The following PDE7B variants were observed in gnomAD, a reference collection of about 807,000 sequenced individuals.
The protein encoded by PDE7B is 3',5'-cyclic-AMP phosphodiesterase 7B.
A neutral mutation model predicts 56.2 loss-of-function variants in PDE7B; 29 were observed. The ratio of observed to expected loss-of-function variants is 0.52; its 90% CI spans 0.38 to 0.70. PDE7B has a LOEUF of 0.70. Among genes scored for constraint, PDE7B ranks in the 30% least tolerant of loss-of-function variants. The pLI is 0.00. For missense variants in PDE7B, 490 were observed against 565.0 expected (o/e 0.87, Z 1.35); for synonymous variants, 197 against 196.9 (o/e 1.00, Z 0.00).
At chr6:136,030,294 A>T (rs1456418463) in intron 2 of PDE7B, among the ~76,000 whole-genome samples, 1 of 152,254 alleles carries the variant, frequency 6.6e-6, no homozygotes, top group African/African-American at 2.4e-5. Context: ...CCATGCTCTT[A>T]GTTACCCTGG....
intron 1 of PDE7B, among the ~76,000 whole-genome samples, chr6:135,853,203 A>G (rs977069041): frequency 1.3e-5 from 2 of 152,220 alleles, no homozygotes; most frequent in Non-Finnish European, 2.9e-5. Flanking sequence ...TATTCTCAAC[A>G]TTGAGAACCT....
chr6:135,887,883 C>T (rs560845037), intron 1 of PDE7B, among the ~76,000 whole-genome samples: 68 of 152,256 alleles, frequency 4.5e-4, no homozygotes, highest in African/African-American at 1.5e-3. Flanking sequence ...AATCTTTCAG[C>T]CCAATGTTTA....
At chr6:136,018,258 G>C (rs1413569528) in intron 2 of PDE7B, among the ~76,000 whole-genome samples, 4 of 152,098 alleles carry the variant, frequency 2.6e-5, no homozygotes, top group African/African-American at 9.7e-5. Context: ...ATCAGTCAGA[G>C]AGATACAGCC....
rs1453165024 is a variant in PDE7B, at chr6:136,155,671, G to A, written c.624G>A (p.Leu208=). The change falls in exon 8 of 13, where the codon CTG becomes CTA. Residue 208 remains leucine, a synonymous_variant. Transcript: ENST00000308191. The part of the protein sequence containing the change: ...LTPLDIMLGL[L]AAAAHDVDHP... ...CTCTGGACATCATGCTTGGACTGCT[G>A]GCTGCAGCAGCACACGATGTGGACC... 6.2e-7 allele frequency: 1 copy of A among 1,613,514 alleles called. No individual in the cohort carries two copies. The highest frequency in any genetic ancestry group is 8.5e-7 in the Non-Finnish European group (1 of 1,179,696).
At chr6:135,891,108 T>G (rs931052536) in intron 1 of PDE7B, among the ~76,000 whole-genome samples, 5 of 152,210 alleles carry the variant, frequency 3.3e-5, no homozygotes, top group African/African-American at 1.2e-4. Context: ...TGAGGCTGCA[T>G]TTACAGGCGC....
At chr6:136,100,042 A>G (rs1416279661) in intron 2 of PDE7B, among the ~76,000 whole-genome samples, 9 of 152,196 alleles carry the variant, frequency 5.9e-5, no homozygotes, top group South Asian at 2.1e-4. Context: ...TCCTTTCCCA[A>G]TTGCTTGTTT....
At chr6:135,952,854 C>A (rs1306472559) in intron 2 of PDE7B, among the ~76,000 whole-genome samples, 1 of 151,996 alleles carries the variant, frequency 6.6e-6, no homozygotes, top group Non-Finnish European at 1.5e-5. Flanking sequence ...GACAGAAGTA[C>A]CAGATAAAAG....
intron 2 of PDE7B, among the ~76,000 whole-genome samples, chr6:136,016,747 C>G (rs1239826284): frequency 6.6e-6 from 1 of 151,792 alleles, no homozygotes; most frequent in East Asian, 1.9e-4. Flanking sequence ...ACTGGAAAGG[C>G]AGAAGGACTT....
intron 1 of PDE7B, among the ~76,000 whole-genome samples, chr6:135,944,607 A>C (rs1307871008): frequency 6.6e-6 from 1 of 152,150 alleles, no homozygotes; most frequent in African/African-American, 2.4e-5. Flanking sequence ...TGTTCTTGCT[A>C]TTTGGTGATG....
At chr6:135,877,819 C>T (rs1382263763) in intron 1 of PDE7B, among the ~76,000 whole-genome samples, 2 of 151,152 alleles carry the variant, frequency 1.3e-5, no homozygotes, top group Admixed American at 1.3e-4. Flanking sequence ...AAGCCAGCAA[C>T]GTCAGTGGAT....
At chr6:135,885,432 T>A (rs1227362951) in intron 1 of PDE7B, among the ~76,000 whole-genome samples, 2 of 152,092 alleles carry the variant, frequency 1.3e-5, no homozygotes, top group African/African-American at 4.8e-5. Context: ...CAGTCCATTC[T>A]ACACTCAAAT....
intron 2 of PDE7B, chr6:136,035,067 G>A (rs1457753948): frequency 1.3e-5 from 2 of 152,168 alleles, no homozygotes; most frequent in Non-Finnish European, 1.5e-5. Flanking sequence ...ATCTTAAAAT[G>A]TCCTGTCTGC....
intron 3 of PDE7B, among the ~76,000 whole-genome samples, chr6:136,140,453 G>C (rs1778301474): frequency 6.6e-6 from 1 of 152,210 alleles, no homozygotes; most frequent in African/African-American, 2.4e-5. Context: ...TGGTAATGCA[G>C]GCTCTTTTTT....
intron 2 of PDE7B, among the ~76,000 whole-genome samples, chr6:136,086,025 C>T (rs1428942225): frequency 1.3e-5 from 2 of 152,198 alleles, no homozygotes; most frequent in African/African-American, 4.8e-5. Context: ...TTTACAATTT[C>T]TCCAGGCTGT....
chr6:136,097,015 C>T (rs1209429173), intron 2 of PDE7B, among the ~76,000 whole-genome samples: 2 of 152,146 alleles, frequency 1.3e-5, no homozygotes, highest in African/African-American at 2.4e-5. Flanking sequence ...TCTTCCATGA[C>T]ACAATTCTGG....
At chr6:136,038,143 G>GC in intron 2 of PDE7B, 1 of 1,226,166 alleles carries the variant, frequency 8.2e-7, no homozygotes, top group Non-Finnish European at 1.0e-6. Context: ...AGGATCTTAC[G>GC]GGGGTTCGCT....
chr6:136,057,911 A>G (rs1423947775), intron 2 of PDE7B, among the ~76,000 whole-genome samples: 1 of 151,912 alleles, frequency 6.6e-6, no homozygotes, highest in African/African-American at 2.4e-5. Flanking sequence ...TAATTTTTTT[A>G]TTTTTAGTAG....
rs190805511 is a variant in PDE7B at position 136,136,513 on chromosome 6, G to T, written c.167-10838G>T. On this transcript the variant is annotated intron_variant, in intron 3 of 12. Transcript: ENST00000308191. The stretch of plus-strand genomic sequence containing the variant: ...AGTCAAAACAAGCAAAGGACAAAGA[G>T]GGTGACTAGGGTCAATAATAATTGT... Among the ~76,000 whole-genome samples, 106 of 152,100 alleles carry T rather than the reference G, an allele frequency of 7.0e-4. 2 individuals are homozygous for T. In the Middle Eastern group the frequency reaches 0.031, roughly 44 times the overall value.
intron 1 of PDE7B, among the ~76,000 whole-genome samples, chr6:135,886,886 A>G (rs9321541): frequency 0.03 from 4,535 of 152,202 alleles, 144 homozygotes; most frequent in East Asian, 0.11. Context: ...GATACCCAGT[A>G]GTGGGATCGT....
Sources: gnomAD v4.1 joint callset for allele counts (sites outside exome capture counted in the v4.1 genomes callset) on GRCh38, gnomAD v4.1.1 for gene constraint, MANE v1.5 for transcripts, NCBI Gene and HGNC (gene_info 2026-07-23, HGNC 2026-07-21) for gene names.